The following CASP8 variants were observed in gnomAD, a reference collection of about 807,000 sequenced individuals.
The protein encoded by CASP8 is caspase 8, also known as caspase-8.
CASP8 carries 24 observed loss-of-function variants against 46.3 expected under a neutral mutation model. The ratio of observed to expected loss-of-function variants is 0.52; its 90% CI spans 0.38 to 0.73. The LOEUF is 0.73. Among genes scored for constraint, CASP8 ranks in the 30% least tolerant of loss-of-function variants. The pLI is 0.00. For missense variants in CASP8, 460 were observed against 559.0 expected (o/e 0.82, Z 1.79); for synonymous variants, 188 against 200.4 (o/e 0.94, Z 0.52).
chr2:201,237,974 A>G (rs147057212), intron 2 of CASP8, among the ~76,000 whole-genome samples: 2 of 152,346 alleles, frequency 1.3e-5, no homozygotes, highest in East Asian at 3.9e-4. Context: ...CTCTTGGCAA[A>G]TGGAGAGCAG....
chr2:201,278,001 C>T (rs1948760603), intron 7 of CASP8: 1 of 179,668 alleles, frequency 5.6e-6, no homozygotes, highest in South Asian at 9.6e-5. Flanking sequence ...TGTACCTGGT[C>T]CCTGCTAACA....
chr2:201,260,040 G>A (rs1947281286), upstream of CASP8, among the ~76,000 whole-genome samples: 1 of 149,134 alleles, frequency 6.7e-6, no homozygotes, highest in East Asian at 2.0e-4. Flanking sequence ...GGTGACCTTG[G>A]GGCCACAGAG....
In CASP8 at chr2:201,272,878, G is replaced by T; in HGVS notation, c.551-20G>T. 6.2e-7 allele frequency: 1 copy of T among 1,614,010 alleles called. No individual in the cohort carries two copies. Among genetic ancestry groups the T allele is most frequent in the Non-Finnish European group, 8.5e-7 (1 of 1,179,922 alleles). On this transcript the variant is annotated intron_variant, in intron 4 of 8. Coordinates refer to ENST00000673742, the MANE Select transcript of CASP8 (RefSeq NM_001372051.1). The surrounding 1 kb of genome is among the most constrained non-coding windows in gnomAD (Gnocchi z 4.4). ...TTGTTTCTAATCAAATATTGTTTGG[G>T]GTTTCCCCTTTTAATTCAGAGAGAA...
At chr2:201,263,858 T>C (rs901054697) in intron 1 of CASP8, among the ~76,000 whole-genome samples, 6 of 152,210 alleles carry the variant, frequency 3.9e-5, no homozygotes, top group Non-Finnish European at 7.3e-5. Flanking sequence ...TAGGTATATG[T>C]TTTAGAATAA....
Position 201,285,304 on chromosome 2 carries a change from G to A in CASP8, c.1291G>A (p.Glu431Lys), listed in dbSNP as rs2125491766. The A allele has an allele frequency of 6.2e-7, 1 of 1,613,668 alleles. No individual in the cohort carries two copies. Among genetic ancestry groups the A allele is most frequent in the Non-Finnish European group, 8.5e-7 (1 of 1,180,042 alleles). Residue 431 changes from glutamate (E) to lysine (K), a missense_variant, in exon 8 of 9, where the codon GAG becomes AAG. Glu to Lys is a moderately conservative substitution (Grantham distance 56, BLOSUM62 1). Coordinates refer to ENST00000673742, the MANE Select transcript of CASP8 (RefSeq NM_001372051.1). The stretch of plus-strand genomic sequence containing the variant: ...CCAGTCACTTTGCCAGAGCCTGAGA[G>A]AGCGATGTCCTCGGTAAGTTTTGCC... ...YIQSLCQSLR[E>K]RCPRGDDILT...
chr2:201,278,711 T>C (rs1184681716), intron 7 of CASP8, among the ~76,000 whole-genome samples: 1 of 152,050 alleles, frequency 6.6e-6, no homozygotes, highest in African/African-American at 2.4e-5. Flanking sequence ...TAATTGTATT[T>C]AGTAGAGATG....
chr2:201,279,466 A>G (rs1488859780), intron 7 of CASP8, among the ~76,000 whole-genome samples: 3 of 152,240 alleles, frequency 2.0e-5, no homozygotes, highest in African/African-American at 7.2e-5. Context: ...CTCTAGCTAA[A>G]ATACATACAG....
rs1489855325 is a variant in CASP8, at chr2:201,266,643, A to G, written c.157A>G (p.Met53Val). The change falls in exon 2 of 9, where the codon ATG (methionine) becomes GTG (valine). Residue 53 changes from methionine (M) to valine (V), a missense_variant. Transcript: ENST00000673742. This position sits in a 1 kb window ranked among gnomAD's most constrained non-coding sequence, Gnocchi z 5.7. ...ATTCCAGAGACTCCAGGAAAAGAGA[A>G]TGTTGGAGGAAAGCAATCTGTCCTT... ...MLFQRLQEKR[M>V]LEESNLSFLK... is the part of the protein sequence containing the mutation. The G allele has an allele frequency of 6.2e-7, 1 of 1,614,172 alleles. No homozygotes were observed. The highest frequency in any genetic ancestry group is 2.2e-5 in the East Asian group (1 of 44,892).
intron 2 of CASP8, among the ~76,000 whole-genome samples, chr2:201,237,882 T>C (rs747652979): frequency 1.3e-5 from 2 of 152,346 alleles, no homozygotes; most frequent in South Asian, 2.1e-4. Flanking sequence ...ATGACACGGG[T>C]TAAAAAGCCA....
At chr2:201,282,531 CA>C (rs1949137741) in intron 7 of CASP8, among the ~76,000 whole-genome samples, 1 of 111,644 alleles carries the variant, frequency 9.0e-6, no homozygotes, top group Non-Finnish European at 2.1e-5. Context: ...AAGCGCCCCT[CA>C]CCTCCCAGAT....
intron 2 of CASP8, among the ~76,000 whole-genome samples, chr2:201,255,002 G>C (rs1458404226): frequency 1.3e-5 from 2 of 152,152 alleles, no homozygotes; most frequent in Non-Finnish European, 2.9e-5. Flanking sequence ...GTGAGAAGTT[G>C]GTTACAGCAA....
At chr2:201,278,720 T>C (rs1251899131) in intron 7 of CASP8, among the ~76,000 whole-genome samples, 4 of 152,022 alleles carry the variant, frequency 2.6e-5, no homozygotes, top group South Asian at 2.1e-4. Context: ...TTAGTAGAGA[T>C]GGGGTTTCAC....
upstream of CASP8, chr2:201,258,346 T>G: frequency 1.2e-6 from 2 of 1,614,072 alleles, no homozygotes; most frequent in South Asian, 1.1e-5. Context: ...GTTAGGGGAC[T>G]CGGAGACTGC....
rs748943405 is a variant in CASP8 at position 201,266,561 on chromosome 2, G to A, written c.75G>A (p.Leu25=). The A allele has an allele frequency of 6.2e-6, 10 of 1,614,130 alleles. No individual in the cohort carries two copies. The African/African-American group carries it at 1.2e-4, about 19-fold the overall frequency. ...AAGATCTGGCCTCCCTCAAGTTCCT[G>A]AGCCTGGACTACATTCCGCAAAGGA... ...DSEDLASLKF[L]SLDYIPQRKQ... Residue 25 remains leucine (L), a synonymous_variant, in exon 2 of 9, where the codon CTG becomes CTA. Coordinates refer to ENST00000673742, the MANE Select transcript of CASP8 (RefSeq NM_001372051.1). The surrounding 1 kb of genome is among the most constrained non-coding windows in gnomAD (Gnocchi z 5.7).
intron 2 of CASP8, among the ~76,000 whole-genome samples, chr2:201,248,829 C>T (rs6712381): frequency 0.089 from 13,554 of 152,148 alleles, 1,131 homozygotes; most frequent in African/African-American, 0.22. Flanking sequence ...TTTTTGTGTC[C>T]TTTTTGAGTT....
chr2:201,252,989 AT>A (rs201335845), intron 2 of CASP8, among the ~76,000 whole-genome samples: 4 of 151,168 alleles, frequency 2.6e-5, no homozygotes, highest in Admixed American at 1.3e-4. Context: ...CCAACATCTG[AT>A]TTTTTTTTGT....
chr2:201,286,290 C>T (rs1576394209), intron 8 of CASP8, among the ~76,000 whole-genome samples, 169 bp from the exon 9 acceptor site: 2 of 152,164 alleles, frequency 1.3e-5, no homozygotes, highest in Non-Finnish European at 2.9e-5. Flanking sequence ...TCTGAGACAA[C>T]CCATTTACCA....
intron 6 of CASP8, 126 bp from the exon 7 acceptor site, chr2:201,276,701 C>T (rs766063728): frequency 1.2e-5 from 14 of 1,195,026 alleles, no homozygotes; most frequent in South Asian, 7.8e-5. Flanking sequence ...ACTAGTTCTT[C>T]GAGGAAACGA....
In CASP8 at chr2:201,286,875, T is replaced by C; in HGVS notation, c.*281T>C. 2.6e-6 allele frequency: 1 copy of C among 384,250 alleles called. No homozygotes were observed. 23.8% of individuals were successfully genotyped at this position (384,250 alleles called of 1,614,324 possible). ...ACCTCGTGATCCACCCACCTCGGCC[T>C]CCCAAAGTGCTGGGATTACAGGCGT... On this transcript the variant is annotated 3_prime_UTR_variant, in exon 9 of 9. Transcript: ENST00000673742.
Sources: allele counts gnomAD v4.1 joint callset (sites outside exome capture counted in the v4.1 genomes callset), GRCh38; gene constraint gnomAD v4.1.1; non-coding constraint Gnocchi (gnomAD v3.1); transcripts MANE v1.5; gene names NCBI Gene and HGNC (gene_info 2026-07-23, HGNC 2026-07-21).